The following FAM114A1 variants were observed in gnomAD, a reference collection of about 807,000 sequenced individuals.
The protein encoded by FAM114A1 is family with sequence similarity 114 member A1, also known as protein NOXP20.
FAM114A1 carries 62 observed loss-of-function variants against 64.3 expected under a neutral mutation model. The observed-to-expected ratio is 0.96, with a 90% confidence interval of 0.79 to 1.19. The LOEUF is 1.19. FAM114A1 is among the 50% of genes most tolerant of loss of function. The pLI is 0.00. For synonymous variants in FAM114A1, 254 were observed against 251.1 expected (o/e 1.01, Z -0.11); for missense variants, 645 against 676.3 (o/e 0.95, Z 0.51).
At chr4:38,938,073 A>T (rs1721262189) in intron 13 of FAM114A1, among the ~76,000 whole-genome samples, 1 of 152,098 alleles carries the variant, frequency 6.6e-6, no homozygotes, top group Non-Finnish European at 1.5e-5. Context: ...TATTAATGTG[A>T]CTCAGTGACA....
Position 38,943,510 on chromosome 4 carries a change from C to T in FAM114A1, c.1645C>T (p.Leu549=), listed in dbSNP as rs1721737011. ...TGCCTTCCAGCTGCTGCTGCCTGTT[C>T]TGCAGGTCTCACATATCCAGACCAG... ...QDAFQLLLPV[L]QVSHIQTSCL... is the part of the protein sequence containing the mutation. Residue 549 remains leucine (L), a synonymous_variant, in exon 15 of 15, where the codon CTG becomes TTG. Transcript: ENST00000358869. 6.2e-7 allele frequency: 1 copy of T among 1,614,110 alleles called. No individual in the cohort carries two copies. Among genetic ancestry groups the T allele is most frequent in the South Asian group, 1.1e-5 (1 of 91,076 alleles).
rs770404354 is a variant in FAM114A1, at chr4:38,922,797, G to A, written c.973G>A (p.Gly325Arg). 8.1e-6 allele frequency: 13 copies of A among 1,612,938 alleles called. No homozygotes were observed. The highest frequency in any genetic ancestry group is 1.1e-5 in the Non-Finnish European group (13 of 1,179,682). Residue 325 changes from glycine (G) to arginine (R), a missense_variant, in exon 9 of 15, where the codon GGA becomes AGA. Physicochemically the swap from Gly to Arg is moderately radical, Grantham distance 125. Coordinates refer to ENST00000358869, the MANE Select transcript of FAM114A1 (RefSeq NM_138389.4). ...KVQSFLASLD[G>R]EKLELLKNDL... The stretch of plus-strand genomic sequence containing the variant: ...TCAGTCATTTTTAGCATCACTTGAT[G>A]GAGAGAAGCTGGAACTCTTAAAAAA...
chr4:38,924,882 T>G (rs1719963556), intron 9 of FAM114A1, among the ~76,000 whole-genome samples: 1 of 152,214 alleles, frequency 6.6e-6, no homozygotes, highest in Non-Finnish European at 1.5e-5. Context: ...GAGGTAGACC[T>G]TGGTCCTATT....
intron 3 of FAM114A1, among the ~76,000 whole-genome samples, chr4:38,883,005 CT>C (rs58419357): frequency 0.28 from 42,110 of 152,068 alleles, 6,179 homozygotes; most frequent in African/African-American, 0.31. Flanking sequence ...CTTTCTTGTC[CT>C]TTCTGACATA....
chr4:38,872,112 A>G (rs1714132849), intron 2 of FAM114A1, among the ~76,000 whole-genome samples: 1 of 152,180 alleles, frequency 6.6e-6, no homozygotes, highest in South Asian at 2.1e-4. Context: ...CCCTTATGCT[A>G]ATTAGCATAC....
rs189247392 is a variant in FAM114A1 at position 38,906,787 on chromosome 4, G to A, written c.657+926G>A. ...TGACCTCAGGTGATCCTCCTGCCTC[G>A]GCCTCCCAAAGTGCTGAGATTACAG... On this transcript the variant is annotated intron_variant, in intron 6 of 14. Transcript: ENST00000358869. Among the ~76,000 whole-genome samples the A allele has an allele frequency of 6.2e-4, 95 of 152,134 alleles. 3 individuals are homozygous for A. Among genetic ancestry groups the A allele is most frequent in the South Asian group, 5.4e-3 (26 of 4,822 alleles).
chr4:38,938,900 A>G (rs781754767), intron 13 of FAM114A1, among the ~76,000 whole-genome samples: 15 of 152,238 alleles, frequency 9.9e-5, no homozygotes, highest in African/African-American at 1.7e-4. Context: ...TTTGCATAAT[A>G]TGTGTTAAAT....
chr4:38,916,837 A>G (rs1719094277), intron 8 of FAM114A1, among the ~76,000 whole-genome samples: 1 of 152,136 alleles, frequency 6.6e-6, no homozygotes, highest in Non-Finnish European at 1.5e-5. Flanking sequence ...GTGCCAATAG[A>G]CACAAACCTG....
At position 38,943,879 on chromosome 4, in the gene FAM114A1, A is replaced by C; in HGVS notation, c.*322A>C. 1 of 218,104 alleles carries C rather than the reference A, an allele frequency of 4.6e-6. No individual in the cohort carries two copies. Among genetic ancestry groups the C allele is most frequent in the South Asian group, 8.8e-5 (1 of 11,406 alleles). 13.5% of individuals were successfully genotyped at this position (218,104 alleles called of 1,614,324 possible). A position where few individuals can be genotyped will look rare whatever the true frequency, so the allele number is the denominator to read the frequency against. Reference sequence around the variant, plus strand: ...CTGGTTAAGCATGCTATATTTAGAAACTCATGGGGAGACCTTAGACTTTTG... The same window carrying C: ...CTGGTTAAGCATGCTATATTTAGAACCTCATGGGGAGACCTTAGACTTTTG... On this transcript the variant is annotated 3_prime_UTR_variant, in exon 15 of 15. Transcript: ENST00000358869.
chr4:38,892,605 G>A (rs116757414), intron 4 of FAM114A1, among the ~76,000 whole-genome samples: 2,954 of 152,252 alleles, frequency 0.019, 65 homozygotes, highest in Admixed American at 0.061. Context: ...AGAACTGAAG[G>A]TATAACATCA....
intron 2 of FAM114A1, among the ~76,000 whole-genome samples, chr4:38,873,380 G>A (rs1401454710): frequency 1.3e-5 from 2 of 152,164 alleles, no homozygotes; most frequent in African/African-American, 4.8e-5. Flanking sequence ...GCTCCTGAGT[G>A]TCTGTACACA....
Position 38,943,961 on chromosome 4 carries a change from T to A in FAM114A1, c.*404T>A, listed in dbSNP as rs375982320. The A allele has an allele frequency of 1.5e-4, 23 of 157,192 alleles. No homozygotes were observed. In the East Asian group the frequency reaches 4.0e-3, roughly 27 times the overall value. The allele number at this position is 157,192 out of a possible 1,614,324, so 9.7% of individuals were successfully genotyped here. A position where few individuals can be genotyped will look rare whatever the true frequency, so the allele number is the denominator to read the frequency against. On this transcript the variant is annotated 3_prime_UTR_variant, in exon 15 of 15. Coordinates refer to ENST00000358869, the MANE Select transcript of FAM114A1 (RefSeq NM_138389.4). ...TCCATTCTTATAGTATTACTTTAAA[T>A]CAATTCTAAAACTGAACTTTGTTTT...
chr4:38,898,887 ACAGT>A (rs1370973098), intron 4 of FAM114A1, among the ~76,000 whole-genome samples: 3 of 150,042 alleles, frequency 2.0e-5, no homozygotes, highest in Admixed American at 6.7e-5. Flanking sequence ...AGTCTGAAAC[ACAGT>A]CAGTACTTTA....
intron 4 of FAM114A1, among the ~76,000 whole-genome samples, chr4:38,901,439 C>T (rs1032387965): frequency 4.6e-5 from 7 of 152,166 alleles, no homozygotes; most frequent in Non-Finnish European, 7.3e-5. Flanking sequence ...AGGCGCCTGC[C>T]GCCACACCCG....
chr4:38,877,952 G>T (rs575987123), intron 2 of FAM114A1, 119 bp from the exon 3 acceptor site: 3 of 799,802 alleles, frequency 3.8e-6, no homozygotes, highest in Non-Finnish European at 3.7e-6. Flanking sequence ...CAACAAGAGC[G>T]AAACTCCGTC....
In FAM114A1 at chr4:38,944,292, G is replaced by A. The variant is rs1305482583; in HGVS notation, c.*735G>A. On this transcript the variant is annotated 3_prime_UTR_variant, in exon 15 of 15. Transcript: ENST00000358869. The stretch of plus-strand genomic sequence containing the variant: ...TCACCATGTTGGCCAGGATGGTCTC[G>A]ATCTCCTGACCTCGTGATCTGCCCG... The A allele has an allele frequency of 2.0e-5, 3 of 151,850 alleles. No homozygotes were observed. The highest frequency in any genetic ancestry group is 2.1e-4 in the South Asian group (1 of 4,808). 9.4% of individuals were successfully genotyped at this position (151,850 alleles called of 1,614,324 possible). A position where few individuals can be genotyped will look rare whatever the true frequency, so the allele number is the denominator to read the frequency against.
rs1560315695 is a variant in FAM114A1, at chr4:38,915,022, C to CT, written c.896dup (p.Leu299PhefsTer13). On this transcript the variant is annotated frameshift_variant, in exon 8 of 15. Transcript: ENST00000358869. LOFTEE classifies it high-confidence loss of function. ...GGATGCTGTTTGATGAATATCAAGG[C>CT]TTGTCACACCTGGAAGCCCTGGAAA... 1.2e-6 allele frequency: 2 copies of CT among 1,614,170 alleles called. No homozygotes were observed. Among genetic ancestry groups the CT allele is most frequent in the Admixed American group, 3.3e-5 (2 of 60,022 alleles).
At chr4:38,934,280 A>G (rs1167167461) in intron 12 of FAM114A1, among the ~76,000 whole-genome samples, 1 of 152,182 alleles carries the variant, frequency 6.6e-6, no homozygotes, top group African/African-American at 2.4e-5. Context: ...AGCTGCACCC[A>G]GTCCCTGATT....
intron 2 of FAM114A1, among the ~76,000 whole-genome samples, chr4:38,877,857 G>T (rs1056422158): frequency 6.6e-6 from 1 of 151,862 alleles, no homozygotes; most frequent in Non-Finnish European, 1.5e-5. Flanking sequence ...CCAGCTACTC[G>T]GGAGGCTGAG....
Sources: allele counts gnomAD v4.1 joint callset (sites outside exome capture counted in the v4.1 genomes callset), GRCh38; gene constraint gnomAD v4.1.1; transcripts MANE v1.5; gene names NCBI Gene and HGNC (gene_info 2026-07-23, HGNC 2026-07-21).